ESPL1: variants seen among roughly 807,000 people sequenced by gnomAD.
The protein encoded by ESPL1 is separin.
Under a neutral mutation model 217.2 loss-of-function variants are expected in ESPL1, and 50 were observed. The ratio of observed to expected loss-of-function variants is 0.23; its 90% CI spans 0.18 to 0.29. The LOEUF (loss-of-function observed/expected upper bound fraction) is 0.29, where lower values mean the gene tolerates loss of function less well. Ranked by LOEUF, ESPL1 falls within the 10% of genes least tolerant of loss-of-function variation. ESPL1 has a pLI of 1.00. For missense variants in ESPL1, 1,834 were observed against 2,603.0 expected (o/e 0.70, Z 6.43); for synonymous variants, 994 against 1,081.3 (o/e 0.92, Z 1.58).
Position 53,275,810 on chromosome 12 carries a change from T to C in ESPL1, c.1700+800T>C, listed in dbSNP as rs1414859551. Among the ~76,000 whole-genome samples the C allele has an allele frequency of 2.6e-5, 4 of 151,638 alleles. No individual in the cohort carries two copies. In the East Asian group the frequency reaches 5.8e-4, roughly 22 times the overall value. ...TGAACTCCTGAGCTCAAGTGATCCT[T>C]CCACCTTGGCCTCCCAAAGTGCTAG... On this transcript the variant is annotated intron_variant, in intron 7 of 30. Transcript: ENST00000257934.
Position 53,276,761 on chromosome 12 carries a change from C to A in ESPL1, c.1842C>A (p.Ser614Arg), listed in dbSNP as rs1318648. The A allele has an allele frequency of 0.64, 1,030,761 of 1,613,448 alleles. 332,720 individuals carry two copies. The highest frequency in any genetic ancestry group is 0.81 in the East Asian group (36,433 of 44,876). Residue 614 changes from serine (S) to arginine (R), a missense_variant, in exon 8 of 31, where the codon AGC becomes AGA. By Grantham distance (110) the Ser-to-Arg change is moderately radical. This residue lies in a region of ESPL1 where 746 missense variants were observed against 1,077.0 expected (regional missense o/e 0.69). Transcript: ENST00000257934. ...TCATCTGTGACCTCCTGGAGCTGAG[C>A]CCCGAGGAGACACCAGCCGGGGCCT... ...FNIICDLLEL[S>R]PEETPAGAWA...
At position 53,277,147 on chromosome 12, in the gene ESPL1, G is replaced by C; in HGVS notation, c.2005G>C (p.Ala669Pro). 1 of 1,614,146 alleles carries C rather than the reference G, an allele frequency of 6.2e-7. No homozygotes were observed. Among genetic ancestry groups the C allele is most frequent in the Non-Finnish European group, 8.5e-7 (1 of 1,179,962 alleles). Residue 669 changes from alanine to proline, a missense_variant, in exon 9 of 31, where the codon GCC becomes CCC. Coordinates refer to ENST00000257934, the MANE Select transcript of ESPL1 (RefSeq NM_012291.5). ...LLDSVRPEAQ[A>P]RDQLLDDKAQ... ...GGACTCTGTGAGGCCTGAGGCCCAG[G>C]CCAGAGATCAGCTTCTGGACGATAA...
chr12:53,279,905 G>T (rs763873366), intron 12 of ESPL1, 39 bp downstream of exon 12: 1 of 1,509,646 alleles, frequency 6.6e-7, no homozygotes, highest in South Asian at 1.3e-5. Flanking sequence ...ACTGCAGGGG[G>T]CCCGTAGCTT....
At position 53,275,179 on chromosome 12, in the gene ESPL1, C is replaced by T. The variant is rs118113293; in HGVS notation, c.1700+169C>T. 2.8e-4 allele frequency among the ~76,000 whole-genome samples: 42 copies of T among 152,106 alleles called. 1 individual carries two copies. In the East Asian group the frequency reaches 6.6e-3, roughly 24 times the overall value. On this transcript the variant is annotated intron_variant, in intron 7 of 30. Coordinates refer to ENST00000257934, the MANE Select transcript of ESPL1 (RefSeq NM_012291.5). Reference sequence around the variant, plus strand: ...GCTGGGCATTGGCCGTGCACAGTGGCTCACACATGTAATCCCAGCACACAT... The same window carrying T: ...GCTGGGCATTGGCCGTGCACAGTGGTTCACACATGTAATCCCAGCACACAT...
chr12:53,280,734 G>A (rs536559688), intron 12 of ESPL1, among the ~76,000 whole-genome samples: 5 of 152,138 alleles, frequency 3.3e-5, no homozygotes, highest in Admixed American at 6.5e-5. Context: ...TGGCTCACAC[G>A]TGTAATCCCA....
chr12:53,274,752 T>G, intron 6 of ESPL1, 65 bp from the exon 7 acceptor site: 2 of 1,360,596 alleles, frequency 1.5e-6, no homozygotes, highest in Non-Finnish European at 2.1e-6. Flanking sequence ...TGCATGCATA[T>G]CCCCTTCCAC....
intron 11 of ESPL1, among the ~76,000 whole-genome samples, chr12:53,278,597 C>CTTT (rs111602446): frequency 1.4e-5 from 2 of 144,486 alleles, no homozygotes; most frequent in African/African-American, 2.5e-5. Flanking sequence ...TGTGTGCCTT[C>CTTT]TTTTTTTTTT....
At chr12:53,285,847 T>C in intron 17 of ESPL1, 77 bp from the exon 18 acceptor site, 1 of 1,180,472 alleles carries the variant, frequency 8.5e-7, no homozygotes, top group Non-Finnish European at 1.2e-6. Context: ...ATTAGAGAAT[T>C]GGGCCCCAAG....
rs766004126 is a variant in ESPL1, at chr12:53,293,231, T to C, written c.6162-42T>C. 2 of 1,543,128 alleles carry C rather than the reference T, an allele frequency of 1.3e-6. No individual in the cohort carries two copies. The highest frequency in any genetic ancestry group is 1.8e-6 in the Non-Finnish European group (2 of 1,115,506). ...AATGGTGTTTTCCTATGTATTCTGT[T>C]TTAGAGCCCTTACTTTGTATTTCCT... On this transcript the variant is annotated intron_variant, in intron 30 of 30. Coordinates refer to ENST00000257934, the MANE Select transcript of ESPL1 (RefSeq NM_012291.5). This position sits in a 1 kb window ranked among gnomAD's most constrained non-coding sequence, Gnocchi z 4.2.
chr12:53,290,029 CA>C, intron 22 of ESPL1, 55 bp from the exon 23 acceptor site: 1 of 1,583,260 alleles, frequency 6.3e-7, no homozygotes, highest in South Asian at 1.1e-5. Context: ...GTGCCCAAGA[CA>C]GGGAAGGGAA....
At chr12:53,271,922 C>T (rs1413636178) in intron 5 of ESPL1, among the ~76,000 whole-genome samples, 2 of 151,944 alleles carry the variant, frequency 1.3e-5, no homozygotes, top group East Asian at 3.9e-4. Context: ...CCCGTCTCTA[C>T]TAAAAATACA....
intron 24 of ESPL1, 114 bp downstream of exon 24, chr12:53,290,583 G>C: frequency 3.7e-6 from 4 of 1,090,908 alleles, no homozygotes; most frequent in Non-Finnish European, 5.3e-6. Flanking sequence ...ATCCCTTCTG[G>C]AAGTGTAGAC....
Position 53,286,289 on chromosome 12 carries a change from C to G in ESPL1, c.3553C>G (p.Gln1185Glu), listed in dbSNP as rs1943946673. 1.2e-6 allele frequency: 2 copies of G among 1,614,196 alleles called. No individual in the cohort carries two copies. Among genetic ancestry groups the G allele is most frequent in the Non-Finnish European group, 1.7e-6 (2 of 1,180,034 alleles). ...GHQAQGLDLL[Q>E]VVLKGCPEAA... is the part of the protein sequence containing the mutation. ...CCAAGCCCAGGGTCTGGATCTGCTG[C>G]AGGTCGTGCTGAAGGGCTGTCCTGA... Residue 1185 changes from glutamine to glutamate, a missense_variant, in exon 18 of 31, where the codon CAG (glutamine) becomes GAG (glutamate). Around this residue, in one of 5 missense-constraint regions of ESPL1, gnomAD observed 681 missense variants for 808.0 expected, o/e 0.84. Transcript: ENST00000257934. This position sits in a 1 kb window ranked among gnomAD's most constrained non-coding sequence, Gnocchi z 5.3.
rs140972771 is a variant in ESPL1 at position 53,286,746 on chromosome 12, G to T, written c.4010G>T (p.Gly1337Val). Residue 1337 changes from glycine (G) to valine (V), a missense_variant, in exon 18 of 31, where the codon GGT becomes GTT. This residue lies in a region of ESPL1 where 681 missense variants were observed against 808.0 expected (regional missense o/e 0.84). Transcript: ENST00000257934. The surrounding 1 kb of genome is among the most constrained non-coding windows in gnomAD (Gnocchi z 5.3). Reference protein sequence around the residue: ...PLRLNNTSQKGLEGRGLPCTP... With the variant: ...PLRLNNTSQKVLEGRGLPCTP... ...CGCCTCAATAATACCTCTCAGAAAG[G>T]TCTGGAAGGTAGAGGACTGCCCTGC... 1,438 of 1,614,128 alleles carry T rather than the reference G, an allele frequency of 8.9e-4. 2 individuals carry two copies. Among genetic ancestry groups the T allele is most frequent in the African/African-American group, 7.0e-3 (524 of 75,042 alleles).
intron 3 of ESPL1, 126 bp from the exon 4 acceptor site, chr12:53,270,252 G>T: frequency 3.2e-6 from 3 of 932,722 alleles, no homozygotes; most frequent in Non-Finnish European, 5.2e-6. Flanking sequence ...GAGGGCAGTG[G>T]CCCTTCTGGA....
intron 1 of ESPL1, 67 bp downstream of exon 1, chr12:53,268,444 CGAG>C (rs1943606908): frequency 3.1e-6 from 1 of 319,818 alleles, no homozygotes; most frequent in Non-Finnish European, 5.8e-6. Context: ...AGCGCTGACG[CGAG>C]GAGAGGCGTG....
chr12:53,292,318 G>C lies in ESPL1; in HGVS notation c.5837G>C (p.Arg1946Pro). Residue 1946 changes from arginine (R) to proline (P), a missense_variant, in exon 28 of 31, where the codon CGA becomes CCA. Transcript: ENST00000257934. This position sits in a 1 kb window ranked among gnomAD's most constrained non-coding sequence, Gnocchi z 4.5. ...SPVLSQGVDP[R>P]STFYVLNPHN... is the part of the protein sequence containing the mutation. ...GTGCTGAGTCAAGGGGTGGATCCAC[G>C]AAGTACCTTCTATGTCCTGAACCCT... 6.2e-7 allele frequency: 1 copy of C among 1,614,076 alleles called. No homozygotes were observed.
chr12:53,285,860 C>T (rs1178227642), intron 17 of ESPL1, 64 bp from the exon 18 acceptor site: 5 of 1,395,590 alleles, frequency 3.6e-6, no homozygotes, highest in Admixed American at 2.3e-5. Flanking sequence ...GCCCCAAGGT[C>T]GCTCAGGAAG....
At chr12:53,278,065 C>T (rs1262485860) in intron 11 of ESPL1, 105 bp downstream of exon 11, 2 of 1,196,984 alleles carry the variant, frequency 1.7e-6, no homozygotes, top group East Asian at 4.7e-5. Flanking sequence ...GCCATGAAAG[C>T]CAGTGATGGA....
Sources: allele counts gnomAD v4.1 joint callset (sites outside exome capture counted in the v4.1 genomes callset), GRCh38; gene constraint gnomAD v4.1.1; regional missense constraint gnomAD v4.1.1; non-coding constraint Gnocchi (gnomAD v3.1); transcripts MANE v1.5; gene names NCBI Gene and HGNC (gene_info 2026-07-23, HGNC 2026-07-21).